BNC2: variants seen among roughly 807,000 people sequenced by gnomAD.
BNC2 encodes basonuclin zinc finger protein 2.
A neutral mutation model predicts 76.3 loss-of-function variants in BNC2; 20 were observed. The ratio of observed to expected loss-of-function variants is 0.26; its 90% CI spans 0.18 to 0.38. The LOEUF is 0.38. Among genes scored for constraint, BNC2 ranks in the 10% least tolerant of loss-of-function variants. The probability of loss-of-function intolerance (pLI) is 1.00; values close to 1 mark genes in which losing one functional copy is unlikely to be tolerated. For synonymous variants in BNC2, 582 were observed against 514.8 expected, an observed-to-expected ratio of 1.13 and a Z score of -1.77; for missense variants, 1,382 against 1,399.8, an observed-to-expected ratio of 0.99 and a Z score of 0.20.
At chr9:16,670,245 A>C (rs1298172032) in intron 3 of BNC2, among the ~76,000 whole-genome samples, 2 of 152,204 alleles carry the variant, frequency 1.3e-5, no homozygotes, top group African/African-American at 2.4e-5. Flanking sequence ...TGAACATCTG[A>C]AAGAGCCAAA....
chr9:16,638,508 T>A (rs893099343), intron 3 of BNC2, among the ~76,000 whole-genome samples: 3 of 152,108 alleles, frequency 2.0e-5, no homozygotes, highest in South Asian at 2.1e-4. Flanking sequence ...CCAAAAAAAG[T>A]CTTAAGATTA....
At chr9:16,441,002 C>CT (rs1369379922) in intron 5 of BNC2, among the ~76,000 whole-genome samples, 9 of 152,322 alleles carry the variant, frequency 5.9e-5, no homozygotes, top group African/African-American at 2.2e-4. Flanking sequence ...CTAGAGTCCC[C>CT]TTGATAGTGC....
Position 16,830,871 on chromosome 9 carries a change from G to A in BNC2, c.3+39775C>T, listed in dbSNP as rs556450585. Among the ~76,000 whole-genome samples, 13 of 152,266 alleles carry A rather than the reference G, an allele frequency of 8.5e-5. 1 individual carries two copies. In the South Asian group the frequency reaches 2.7e-3, roughly 32 times the overall value. ...CAGAGGAATACCCTAAGGATTCTTG[G>A]AGGCTGAAAGACTTAAAATTTGAGG... On this transcript the variant is annotated intron_variant, in intron 1 of 6. Coordinates refer to ENST00000380672, the MANE Select transcript of BNC2 (RefSeq NM_017637.6).
At position 16,561,897 on chromosome 9, in the gene BNC2, G is replaced by A. The variant is rs144787104; in HGVS notation, c.434-9132C>T. 9.4e-3 allele frequency among the ~76,000 whole-genome samples: 1,427 copies of A among 152,132 alleles called. 24 individuals are homozygous for A. Among genetic ancestry groups the A allele is most frequent in the African/African-American group, 0.033 (1,368 of 41,488 alleles). On this transcript the variant is annotated intron_variant, in intron 4 of 6. Coordinates refer to ENST00000380672, the MANE Select transcript of BNC2 (RefSeq NM_017637.6). ...CACGTGCCTGTAGTCCCAGCTACTCGGGAGGCTGAGGTGGGAGGATCACTT... is the reference window on the plus strand; with the variant it reads ...CACGTGCCTGTAGTCCCAGCTACTCAGGAGGCTGAGGTGGGAGGATCACTT...
At chr9:16,764,279 G>C (rs1008850090) in intron 1 of BNC2, among the ~76,000 whole-genome samples, 3 of 152,176 alleles carry the variant, frequency 2.0e-5, no homozygotes, top group Non-Finnish European at 2.9e-5. Context: ...CAGGCATAAA[G>C]ATTGTATTTT....
intron 3 of BNC2, among the ~76,000 whole-genome samples, chr9:16,716,271 T>C (rs1444461505): frequency 6.6e-6 from 1 of 152,214 alleles, no homozygotes; most frequent in African/African-American, 2.4e-5. Flanking sequence ...ATGACTATTA[T>C]CACAGCAAAT....
intron 3 of BNC2, among the ~76,000 whole-genome samples, chr9:16,629,732 A>G (rs1392608619): frequency 1.3e-5 from 2 of 152,224 alleles, no homozygotes; most frequent in Admixed American, 6.5e-5. Context: ...AGTGTGCAAT[A>G]GCATTATGTC....
At chr9:16,605,784 C>CTTTT (rs34431220) in intron 3 of BNC2, among the ~76,000 whole-genome samples, 99 of 110,718 alleles carry the variant, frequency 8.9e-4, no homozygotes, top group African/African-American at 2.2e-3. Flanking sequence ...TTCAAGAATT[C>CTTTT]TTTTTTTTTT....
At chr9:16,592,448 A>G (rs966219334) in intron 3 of BNC2, among the ~76,000 whole-genome samples, 1 of 152,162 alleles carries the variant, frequency 6.6e-6, no homozygotes, top group African/African-American at 2.4e-5. Flanking sequence ...AAGACCAAAT[A>G]TTATTATTCC....
At chr9:16,497,946 C>T (rs1261484823) in intron 5 of BNC2, among the ~76,000 whole-genome samples, 2 of 149,824 alleles carry the variant, frequency 1.3e-5, no homozygotes, top group African/African-American at 4.9e-5. Flanking sequence ...AACCCAAATG[C>T]CCACCGATCA....
At chr9:16,452,915 A>G (rs1424121705) in intron 5 of BNC2, among the ~76,000 whole-genome samples, 2 of 152,296 alleles carry the variant, frequency 1.3e-5, no homozygotes, top group South Asian at 2.1e-4. Context: ...GATCTGGCCT[A>G]CAGATCAATG....
Position 16,413,355 on chromosome 9 carries a change from AG to A in BNC2, c.*5633del, listed in dbSNP as rs1418290756. The A allele has an allele frequency of 9.9e-5, 10 of 100,694 alleles. No individual in the cohort carries two copies. The highest frequency in any genetic ancestry group is 6.1e-4 in the African/African-American group (8 of 13,064). 6.2% of individuals were successfully genotyped at this position (100,694 alleles called of 1,614,324 possible). On this transcript the variant is annotated 3_prime_UTR_variant, in exon 7 of 7. Coordinates refer to ENST00000380672, the MANE Select transcript of BNC2 (RefSeq NM_017637.6). ...ATTCAGTGTACATGTAAAAATGCTT[AG>A]TTTTTTTTTTTTTTTTAACCTCCTG...
intron 1 of BNC2, among the ~76,000 whole-genome samples, chr9:16,786,658 T>A (rs1826302130): frequency 6.6e-6 from 1 of 152,132 alleles, no homozygotes; most frequent in African/African-American, 2.4e-5. Context: ...CAGAACTCCC[T>A]CTCTAGCTCT....
chr9:16,675,949 C>T (rs981513566), intron 3 of BNC2, among the ~76,000 whole-genome samples: 1 of 152,030 alleles, frequency 6.6e-6, no homozygotes, highest in Non-Finnish European at 1.5e-5. Context: ...CCTGTAATCC[C>T]AGCTACTCAG....
chr9:16,581,257 G>A (rs1819623024), intron 4 of BNC2, among the ~76,000 whole-genome samples: 1 of 152,228 alleles, frequency 6.6e-6, no homozygotes, highest in South Asian at 2.1e-4. Flanking sequence ...GAGGAAATCT[G>A]GATGCACAAG....
At chr9:16,477,349 T>C (rs934922891) in intron 5 of BNC2, among the ~76,000 whole-genome samples, 2 of 152,198 alleles carry the variant, frequency 1.3e-5, no homozygotes, top group Non-Finnish European at 2.9e-5. Context: ...AGAAAATCTT[T>C]CCTTGATAAC....
chr9:16,457,729 G>A (rs1033942777), intron 5 of BNC2, among the ~76,000 whole-genome samples: 8 of 152,186 alleles, frequency 5.3e-5, no homozygotes, highest in Non-Finnish European at 1.0e-4. Flanking sequence ...CAGTGTAGAA[G>A]CAATGAGCCA....
rs1818582975 is a variant in BNC2 at position 16,549,218 on chromosome 9, G to A, written c.669+3312C>T. Among the ~76,000 whole-genome samples the A allele has an allele frequency of 2.0e-5, 3 of 152,318 alleles. No homozygotes were observed. In the South Asian group the frequency reaches 6.2e-4, roughly 32 times the overall value. On this transcript the variant is annotated intron_variant, in intron 5 of 6. Transcript: ENST00000380672. ...GAGTAGCTGTGTACACATAAAGGAT[G>A]CAGGCTTTGTCCCACAGAGAGTTAA...
chr9:16,544,147 A>C (rs568377668), intron 5 of BNC2, among the ~76,000 whole-genome samples: 15 of 152,142 alleles, frequency 9.9e-5, no homozygotes, highest in Non-Finnish European at 1.8e-4. Context: ...TAGTTTATAT[A>C]ATACAACTTT....
Sources: allele counts gnomAD v4.1 joint callset (sites outside exome capture counted in the v4.1 genomes callset), GRCh38; gene constraint gnomAD v4.1.1; transcripts MANE v1.5; gene names NCBI Gene and HGNC (gene_info 2026-07-23, HGNC 2026-07-21).